CHP1: variants seen among roughly 807,000 people sequenced by gnomAD.
CHP1 encodes the protein calcineurin B homologous protein 1.
A neutral mutation model predicts 27.4 loss-of-function variants in CHP1; 11 were observed. That is an observed-to-expected ratio of 0.40 (90% CI 0.25 to 0.67). The LOEUF is 0.67. Ranked by LOEUF, CHP1 falls within the 30% of genes least tolerant of loss-of-function variation. CHP1 has a pLI of 0.38. For missense variants in CHP1, 169 were observed against 251.3 expected (o/e 0.67, Z 2.22); for synonymous variants, 89 against 87.4 (o/e 1.02, Z -0.10).
rs2047536214 is a variant in CHP1, at chr15:41,279,616, G to A, written c.*227G>A. 3 of 466,738 alleles carry A rather than the reference G, an allele frequency of 6.4e-6. No homozygotes were observed. The South Asian group carries it at 1.2e-4, about 19-fold the overall frequency. The allele number at this position is 466,738 out of a possible 1,614,324, so 28.9% of individuals were successfully genotyped here. A position where few individuals can be genotyped will look rare whatever the true frequency, so the allele number is the denominator to read the frequency against. On this transcript the variant is annotated 3_prime_UTR_variant, in exon 7 of 7. Coordinates refer to ENST00000334660, the MANE Select transcript of CHP1 (RefSeq NM_007236.5). ...ATTTCTGTTCAGTATCCATTCACTA[G>A]TTCTTCATTTATAAATATCATCTTC...
rs1472728094 is a variant in CHP1 at position 41,256,993 on chromosome 15, G to A, written c.221+3G>A. On this transcript the variant is annotated splice_donor_region_variant and intron_variant, in intron 3 of 6. Transcript: ENST00000334660. ...ATCAATGCCTTCTTTCCAGAGGGGT[G>A]AGTCAGTACAGTTGTTGGACTTCCT... The A allele has an allele frequency of 1.2e-6, 2 of 1,611,936 alleles. No individual in the cohort carries two copies. The highest frequency in any genetic ancestry group is 2.7e-5 in the African/African-American group (2 of 74,852).
intron 5 of CHP1, among the ~76,000 whole-genome samples, chr15:41,275,374 C>G (rs2047514459): frequency 6.6e-6 from 1 of 152,068 alleles, no homozygotes; most frequent in Non-Finnish European, 1.5e-5. Context: ...AGGCTGGTGT[C>G]AAACTCCTGA....
At position 41,241,545 on chromosome 15, in the gene CHP1, G is replaced by A. The variant is rs566893890; in HGVS notation, c.68-2122G>A. On this transcript the variant is annotated intron_variant, in intron 1 of 6. Coordinates refer to ENST00000334660, the MANE Select transcript of CHP1 (RefSeq NM_007236.5). ...CTCACAAGTGTGTACACTTTACAGT[G>A]AGCCATTTATACCTGTCCGGCTGGC... 3.9e-5 allele frequency among the ~76,000 whole-genome samples: 6 copies of A among 152,298 alleles called. No individual in the cohort carries two copies. The East Asian group carries it at 1.2e-3, about 29-fold the overall frequency.
chr15:41,262,612 C>T (rs2047439095), intron 3 of CHP1, 144 bp from the exon 4 acceptor site: 1 of 1,029,296 alleles, frequency 9.7e-7, no homozygotes, highest in Non-Finnish European at 1.4e-6. Flanking sequence ...TACTGTGAGT[C>T]CCAAAGTACC....
At chr15:41,262,246 T>A (rs1477206471) in intron 3 of CHP1, among the ~76,000 whole-genome samples, 1 of 151,910 alleles carries the variant, frequency 6.6e-6, no homozygotes, top group Admixed American at 6.6e-5. Context: ...ATAAGAAAAA[T>A]TAAAAATTAA....
intron 2 of CHP1, among the ~76,000 whole-genome samples, chr15:41,244,687 C>T (rs1012020904): frequency 6.6e-6 from 1 of 152,052 alleles, no homozygotes; most frequent in African/African-American, 2.4e-5. Context: ...GTCTAGATGT[C>T]GGTAGTGCCA....
intron 2 of CHP1, among the ~76,000 whole-genome samples, chr15:41,247,984 T>C (rs981080627): frequency 7.2e-6 from 1 of 138,058 alleles, no homozygotes; most frequent in Non-Finnish European, 1.6e-5. Context: ...AAAAAATAAA[T>C]AAATAAAATA....
intron 2 of CHP1, among the ~76,000 whole-genome samples, chr15:41,253,271 A>C (rs1049760534): frequency 6.6e-6 from 1 of 151,444 alleles, no homozygotes; most frequent in Non-Finnish European, 1.5e-5. Context: ...TGTTTAGGCC[A>C]CTTTGGAGTA....
chr15:41,274,139 T>G (rs926836585), intron 5 of CHP1, among the ~76,000 whole-genome samples: 1 of 151,882 alleles, frequency 6.6e-6, no homozygotes, highest in African/African-American at 2.4e-5. Flanking sequence ...TTTTGTATTT[T>G]TAGTAGAGAC....
intron 4 of CHP1, among the ~76,000 whole-genome samples, chr15:41,264,446 G>C (rs554859373): frequency 1.3e-5 from 2 of 152,124 alleles, no homozygotes; most frequent in Admixed American, 1.3e-4. Context: ...TTTTGTTTTT[G>C]CTTAATTTTT....
chr15:41,244,018 T>C (rs939610033), intron 2 of CHP1, among the ~76,000 whole-genome samples: 3 of 152,080 alleles, frequency 2.0e-5, no homozygotes, highest in African/African-American at 4.8e-5. Flanking sequence ...ACCAACATGG[T>C]GAAACCCCGT....
Position 41,232,978 on chromosome 15 carries a change from CCT to C in CHP1, c.67+1534_67+1535del. Among the ~76,000 whole-genome samples the C allele has an allele frequency of 3.3e-5, 5 of 152,298 alleles. No homozygotes were observed. In the South Asian group the frequency reaches 1.0e-3, roughly 32 times the overall value. ...CCTCCCCTAAAATATGGCCCTTAAGCCTCTCTGTAAAGACATTTAATGATGGT... is the reference window on the plus strand; with the variant it reads ...CCTCCCCTAAAATATGGCCCTTAAGCCTCTGTAAAGACATTTAATGATGGT... On this transcript the variant is annotated intron_variant, in intron 1 of 6. Transcript: ENST00000334660.
chr15:41,234,778 C>A lies in CHP1; in HGVS notation c.67+3329C>A, dbSNP rs2047268496. ...GAATAGTGTCTGGTATAATAAACTT[C>A]ATGTGAGTGTTATTATTTTGAACCA... On this transcript the variant is annotated intron_variant, in intron 1 of 6. Coordinates refer to ENST00000334660, the MANE Select transcript of CHP1 (RefSeq NM_007236.5). Among the ~76,000 whole-genome samples, 3 of 152,224 alleles carry A rather than the reference C, an allele frequency of 2.0e-5. No homozygotes were observed. In the South Asian group the frequency reaches 6.2e-4, roughly 32 times the overall value.
At chr15:41,250,564 T>C (rs2047360825) in intron 2 of CHP1, among the ~76,000 whole-genome samples, 1 of 148,178 alleles carries the variant, frequency 6.7e-6, no homozygotes, top group East Asian at 2.0e-4. Context: ...TGAAATTCCA[T>C]CTCAAAAATA....
chr15:41,237,826 C>G (rs1015816020), intron 1 of CHP1, among the ~76,000 whole-genome samples: 1 of 152,180 alleles, frequency 6.6e-6, no homozygotes, highest in African/African-American at 2.4e-5. Context: ...TCTCCCGCCT[C>G]AGCCTCCTGA....
intron 5 of CHP1, chr15:41,272,224 C>G (rs1429581755): frequency 1.3e-5 from 2 of 150,758 alleles, no homozygotes. Flanking sequence ...TCTCGAACTC[C>G]TAACCTCAAG....
At chr15:41,276,686 C>T (rs2047520894) in intron 5 of CHP1, among the ~76,000 whole-genome samples, 1 of 152,110 alleles carries the variant, frequency 6.6e-6, no homozygotes. Flanking sequence ...TTTAACTCTT[C>T]AAGGATTTTT....
At position 41,264,293 on chromosome 15, in the gene CHP1, A is replaced by G; in HGVS notation, c.349+1410A>G. 6.1e-6 allele frequency: 6 copies of G among 978,018 alleles called. No individual in the cohort carries two copies. The Middle Eastern group carries it at 1.5e-3, about 251-fold the overall frequency. 60.6% of individuals were successfully genotyped at this position (978,018 alleles called of 1,614,324 possible). A position where few individuals can be genotyped will look rare whatever the true frequency, so the allele number is the denominator to read the frequency against. On this transcript the variant is annotated intron_variant, in intron 4 of 6. Transcript: ENST00000334660. ...TCAGGTCAGGAGAGTGCGAGTGCCG[A>G]GGAGATTAGGCTAATGAGATTCCCC...
chr15:41,253,579 C>T (rs543732825), intron 2 of CHP1, among the ~76,000 whole-genome samples: 3 of 151,536 alleles, frequency 2.0e-5, no homozygotes, highest in East Asian at 2.0e-4. Context: ...CTCAGTCTCC[C>T]GAGTAGCTGG....
Sources: gnomAD v4.1 joint callset for allele counts (sites outside exome capture counted in the v4.1 genomes callset) on GRCh38, gnomAD v4.1.1 for gene constraint, MANE v1.5 for transcripts, NCBI Gene and HGNC (gene_info 2026-07-23, HGNC 2026-07-21) for gene names.